Variants in ALG14 observed in about 807,000 individuals in gnomAD.
ALG14 encodes the protein UDP-N-acetylglucosamine transferase subunit ALG14.
A neutral mutation model predicts 22.8 loss-of-function variants in ALG14; 17 were observed. That is an observed-to-expected ratio of 0.75 (90% CI 0.51 to 1.12). The LOEUF (loss-of-function observed/expected upper bound fraction) is 1.12, where lower values mean the gene tolerates loss of function less well. Ranked by LOEUF, ALG14 falls within the 50% of genes most tolerant of loss-of-function variation. The pLI is 0.00. For missense variants in ALG14, 288 were observed against 271.8 expected, an observed-to-expected ratio of 1.06 and a Z score of -0.42; for synonymous variants, 89 against 103.7, an observed-to-expected ratio of 0.86 and a Z score of 0.86.
At position 94,979,040 on chromosome 1, in the gene ALG14, T is replaced by G. The variant is rs1672448382; in HGVS notation, c.*4036A>C. The G allele has an allele frequency of 6.6e-6, 1 of 151,966 alleles. No individual in the cohort carries two copies. The highest frequency in any genetic ancestry group is 6.6e-5 in the Admixed American group (1 of 15,256). 9.4% of individuals were successfully genotyped at this position (151,966 alleles called of 1,614,324 possible). A position where few individuals can be genotyped will look rare whatever the true frequency, so the allele number is the denominator to read the frequency against. On this transcript the variant is annotated 3_prime_UTR_variant, in exon 4 of 4. Transcript: ENST00000370205. Reference sequence around the variant, plus strand: ...GGCTTACACCTGTAATTCCAGCACTTTGGGAGGCCAAGATGGGTGGATCAC... The same window carrying G: ...GGCTTACACCTGTAATTCCAGCACTGTGGGAGGCCAAGATGGGTGGATCAC...
intron 3 of ALG14, among the ~76,000 whole-genome samples, chr1:95,017,349 CTG>C (rs2100757131): frequency 6.6e-6 from 1 of 151,814 alleles, no homozygotes; most frequent in East Asian, 1.9e-4. Flanking sequence ...CAAAGAGTCA[CTG>C]TGCTAGGAAA....
chr1:95,033,402 C>CATACATAT (rs1553229111), intron 2 of ALG14, among the ~76,000 whole-genome samples: 9 of 138,760 alleles, frequency 6.5e-5, no homozygotes, highest in African/African-American at 2.4e-4. Context: ...TACATACATA[C>CATACATAT]ATATATATAT....
rs763527407 is a variant in ALG14, at chr1:95,027,242, G to A, written c.307C>T (p.His103Tyr). Residue 103 changes from histidine to tyrosine, a missense_variant, in exon 3 of 4, where the codon CAC (histidine) becomes TAC (tyrosine). Transcript: ENST00000370205. ...ACCTCCCGGCTTCTTGGAATTCGGT[G>A]AATGTAGTATTTGGTATACTAGAAG... is the stretch of plus-strand genomic sequence containing the variant. The part of the protein sequence containing the change: ...PSNMYTKYYI[H>Y]RIPRSREVQQ... The A allele has an allele frequency of 6.2e-7, 1 of 1,614,094 alleles. No homozygotes were observed. Among genetic ancestry groups the A allele is most frequent in the Admixed American group, 1.7e-5 (1 of 60,024 alleles).
At chr1:95,023,785 T>G (rs886196252) in intron 3 of ALG14, among the ~76,000 whole-genome samples, 1 of 152,242 alleles carries the variant, frequency 6.6e-6, no homozygotes, top group African/African-American at 2.4e-5. Flanking sequence ...CTGCAGACTT[T>G]GGAAACCCTC....
intron 3 of ALG14, among the ~76,000 whole-genome samples, chr1:95,015,142 C>T (rs1337838318): frequency 6.6e-6 from 1 of 152,074 alleles, no homozygotes; most frequent in Non-Finnish European, 1.5e-5. Flanking sequence ...CTTGTGAATG[C>T]CATTCACCTC....
Position 94,980,680 on chromosome 1 carries a change from C to G in ALG14, c.*2396G>C, listed in dbSNP as rs986594104. On this transcript the variant is annotated 3_prime_UTR_variant, in exon 4 of 4. Coordinates refer to ENST00000370205, the MANE Select transcript of ALG14 (RefSeq NM_144988.4). ...TCAAATTAGCCATAACAGTAACACA[C>G]AGCAGAGCATGCACTTGTTTACCAG... is the stretch of plus-strand genomic sequence containing the variant. The G allele has an allele frequency of 6.6e-6, 1 of 152,222 alleles. No homozygotes were observed. Among genetic ancestry groups the G allele is most frequent in the Non-Finnish European group, 1.5e-5 (1 of 68,052 alleles). The allele number at this position is 152,222 out of a possible 1,614,324, so 9.4% of individuals were successfully genotyped here.
At chr1:95,022,438 G>T in intron 3 of ALG14, 2 of 839,892 alleles carry the variant, frequency 2.4e-6, no homozygotes, top group Non-Finnish European at 1.4e-6. Context: ...ACCACTTCTC[G>T]CAGTGGACTC....
chr1:95,039,589 C>G (rs1674317944), intron 2 of ALG14, among the ~76,000 whole-genome samples: 1 of 152,072 alleles, frequency 6.6e-6, no homozygotes, highest in Admixed American at 6.5e-5. Flanking sequence ...TCACTGTGGT[C>G]TTGTTTGGAG....
chr1:94,977,701 T>G lies in ALG14; in HGVS notation c.*5375A>C, dbSNP rs1571565766. ...TCTCACTCTGTCACCCAGGCTGGAGTGCAGTGCCATGATCTCGGCTCACTG... is the reference window on the plus strand; with the variant it reads ...TCTCACTCTGTCACCCAGGCTGGAGGGCAGTGCCATGATCTCGGCTCACTG... On this transcript the variant is annotated 3_prime_UTR_variant, in exon 4 of 4. Transcript: ENST00000370205. 6.6e-6 allele frequency: 1 copy of G among 151,812 alleles called. No individual in the cohort carries two copies. The highest frequency in any genetic ancestry group is 1.5e-5 in the Non-Finnish European group (1 of 68,038). 9.4% of individuals were successfully genotyped at this position (151,812 alleles called of 1,614,324 possible). A position where few individuals can be genotyped will look rare whatever the true frequency, so the allele number is the denominator to read the frequency against.
At chr1:95,033,431 A>G (rs1157617431) in intron 2 of ALG14, among the ~76,000 whole-genome samples, 3 of 150,778 alleles carry the variant, frequency 2.0e-5, no homozygotes, top group African/African-American at 7.3e-5. Context: ...ACACACACAC[A>G]CACACACACA....
chr1:95,072,553 ATTACT>A (rs1557662169), intron 1 of ALG14, among the ~76,000 whole-genome samples: 1 of 152,152 alleles, frequency 6.6e-6, no homozygotes, highest in East Asian at 1.9e-4. Context: ...ACAAGTGTAA[ATTACT>A]TGTCATAAAA....
intron 3 of ALG14, among the ~76,000 whole-genome samples, chr1:95,016,939 A>AGG (rs1254937803): frequency 7.0e-5 from 8 of 114,980 alleles, no homozygotes; most frequent in African/African-American, 1.4e-4. Context: ...ATTTTGCAAA[A>AGG]GGGGTGTGTG....
intron 2 of ALG14, among the ~76,000 whole-genome samples, chr1:95,028,809 AAAAG>A (rs2100774599): frequency 6.6e-6 from 1 of 152,312 alleles, no homozygotes; most frequent in Non-Finnish European, 1.5e-5. Flanking sequence ...AAAAAAAAGA[AAAAG>A]AAAAAAAATC....
At chr1:95,051,713 C>A (rs1413278892) in intron 2 of ALG14, among the ~76,000 whole-genome samples, 2 of 152,184 alleles carry the variant, frequency 1.3e-5, no homozygotes, top group Non-Finnish European at 2.9e-5. Context: ...TACAAACATG[C>A]CAGGCACGGC....
At chr1:95,051,598 C>G (rs1361054642) in intron 2 of ALG14, among the ~76,000 whole-genome samples, 1 of 152,232 alleles carries the variant, frequency 6.6e-6, no homozygotes, top group African/African-American at 2.4e-5. Context: ...AAATGAACAA[C>G]AAGGTCTTAA....
In ALG14 at chr1:94,982,235, C is replaced by A. The variant is rs1436952299; in HGVS notation, c.*841G>T. ...CTGCCTCCCGGGTTCAAGCGATTCTCCTGCCTCAGCCTCCCGAGTAGCTGG... is the reference window on the plus strand; with the variant it reads ...CTGCCTCCCGGGTTCAAGCGATTCTACTGCCTCAGCCTCCCGAGTAGCTGG... On this transcript the variant is annotated 3_prime_UTR_variant, in exon 4 of 4. Transcript: ENST00000370205. 3 of 151,124 alleles carry A rather than the reference C, an allele frequency of 2.0e-5. No individual in the cohort carries two copies. Among genetic ancestry groups the A allele is most frequent in the African/African-American group, 4.9e-5 (2 of 41,050 alleles). 9.4% of individuals were successfully genotyped at this position (151,124 alleles called of 1,614,324 possible).
intron 3 of ALG14, 22 bp from the exon 4 acceptor site, chr1:94,983,328 CA>C: frequency 1.3e-6 from 2 of 1,594,278 alleles, no homozygotes. Context: ...AGTTGAAGGT[CA>C]AATGAAAATA....
At chr1:95,023,908 C>A (rs1236845983) in intron 3 of ALG14, among the ~76,000 whole-genome samples, 1 of 152,160 alleles carries the variant, frequency 6.6e-6, no homozygotes, top group African/African-American at 2.4e-5. Flanking sequence ...ATTTTTAAGT[C>A]ATTCCTCAAA....
intron 2 of ALG14, among the ~76,000 whole-genome samples, chr1:95,044,890 G>A (rs1571647009): frequency 6.7e-6 from 1 of 149,902 alleles, no homozygotes; most frequent in African/African-American, 2.5e-5. Flanking sequence ...TTTAAAAAAA[G>A]CATTAGGATT....
Sources: gnomAD v4.1 joint callset for allele counts (sites outside exome capture counted in the v4.1 genomes callset) on GRCh38, gnomAD v4.1.1 for gene constraint, MANE v1.5 for transcripts, NCBI Gene and HGNC (gene_info 2026-07-23, HGNC 2026-07-21) for gene names.